Variants in TTN observed in about 807,000 individuals in gnomAD.
TTN encodes titin.
In TTN, 1,525 loss-of-function variants were observed where a neutral mutation model predicts 3,223.0. The observed-to-expected ratio is 0.47, with a 90% CI of 0.45 to 0.49. The LOEUF (loss-of-function observed/expected upper bound fraction) is 0.49. Among genes scored for constraint, TTN ranks in the 20% least tolerant of loss-of-function variants. The probability of loss-of-function intolerance (pLI) is 0.00; values close to 1 mark genes in which losing one functional copy is unlikely to be tolerated. For synonymous variants in TTN, 14,094 were observed against 15,161.0 expected (o/e 0.93, Z 5.17); for missense variants, 40,786 against 43,424.0 (o/e 0.94, Z 5.40).
rs1343770232 is a variant in TTN at position 178,724,379 on chromosome 2, T to C, written c.20996A>G (p.Tyr6999Cys). The C allele has an allele frequency of 6.2e-6, 10 of 1,613,576 alleles. No individual in the cohort carries two copies. The highest frequency in any genetic ancestry group is 1.7e-4 in the Middle Eastern group (1 of 6,052). ...TSSQKHKFSF[Y>C]NKISSLRILS... ...AATCCTTAAGGAAGAGATTTTGTTG[T>C]AGAAGCTAAATTTGTGTTTTTGGCT... Residue 6999 changes from tyrosine (Y) to cysteine (C), a missense_variant, in exon 72 of 363, where the codon TAC (tyrosine) becomes TGC (cysteine). Tyr to Cys is a radical substitution (Grantham distance 194). Coordinates refer to ENST00000589042, the MANE Select transcript of TTN (RefSeq NM_001267550.2).
intron 241 of TTN, among the ~76,000 whole-genome samples, chr2:178,625,028 A>C (rs1332780958): frequency 2.0e-5 from 3 of 151,976 alleles, no homozygotes; most frequent in Admixed American, 6.6e-5. Context: ...GGCTTTTGAA[A>C]ATCTAGGATG....
At chr2:178,769,356 C>T (rs973506871) in intron 37 of TTN, among the ~76,000 whole-genome samples, 2 of 151,950 alleles carry the variant, frequency 1.3e-5, no homozygotes, top group Non-Finnish European at 2.9e-5. Flanking sequence ...TGGGCCCAAG[C>T]GATCTTCCCA....
In TTN at chr2:178,558,504, T is replaced by G; in HGVS notation, c.86955A>C (p.Gly28985=). The G allele has an allele frequency of 6.2e-7, 1 of 1,613,818 alleles. No homozygotes were observed. The highest frequency in any genetic ancestry group is 8.5e-7 in the Non-Finnish European group (1 of 1,179,816). ...CTGCACATTTAACCCAGTTTTTCTGTCCTTTTTCTAGTGCTTCAACGACAT... is the reference window on the plus strand; with the variant it reads ...CTGCACATTTAACCCAGTTTTTCTGGCCTTTTTCTAGTGCTTCAACGACAT... ...VHYVVEALEK[G]QKNWVKCAVA... is the part of the protein sequence containing the mutation. The change falls in exon 327 of 363, where the codon GGA becomes GGC. Residue 28985 remains glycine (G), a synonymous_variant. Transcript: ENST00000589042.
chr2:178,776,014 G>A lies in TTN; in HGVS notation c.5850C>T (p.His1950=), dbSNP rs1057523471. 5.0e-6 allele frequency: 8 copies of A among 1,613,970 alleles called. No individual in the cohort carries two copies. The highest frequency in any genetic ancestry group is 4.5e-5 in the East Asian group (2 of 44,892). The change falls in exon 28 of 363, where the codon CAC becomes CAT. Residue 1950 remains histidine, a synonymous_variant. Transcript: ENST00000589042. ...ACTGAAGCTTTCCTGGTTCATGTAC[G>A]TGAAACTCAGGCCTTGGTTCAGGAG... ...RRAPEPRPEF[H]VHEPGKLQFE... is the part of the protein sequence containing the mutation.
chr2:178,545,655 T>G lies in TTN; in HGVS notation c.95455A>C (p.Thr31819Pro). The change falls in exon 344 of 363, where the codon ACT (threonine) becomes CCT (proline). Residue 31819 changes from threonine to proline, a missense_variant. Coordinates refer to ENST00000589042, the MANE Select transcript of TTN (RefSeq NM_001267550.2). ...SPPGIPEEVG[T>P]GKEHIIIQWT... ...TGAATGATGATATGCTCTTTGCCAG[T>G]CCCAACTTCTTCAGGTATGCCGGGT... is the stretch of plus-strand genomic sequence containing the variant. 1 of 1,613,740 alleles carries G rather than the reference T, an allele frequency of 6.2e-7. No homozygotes were observed. The highest frequency in any genetic ancestry group is 8.5e-7 in the Non-Finnish European group (1 of 1,179,680).
At position 178,732,918 on chromosome 2, in the gene TTN, C is replaced by T. The variant is rs765827073; in HGVS notation, c.16258G>A (p.Asp5420Asn). 1.2e-6 allele frequency: 2 copies of T among 1,613,536 alleles called. No individual in the cohort carries two copies. Among genetic ancestry groups the T allele is most frequent in the East Asian group, 2.2e-5 (1 of 44,756 alleles). ...GTGAAATTCCCTGCATCATTCATGT[C>T]TACTCTGATGATCTCCAAAGAGGCT... is the stretch of plus-strand genomic sequence containing the variant. ...GTASLEIIRV[D>N]MNDAGNFTCR... is the part of the protein sequence containing the mutation. The change falls in exon 55 of 363, where the codon GAC (aspartate) becomes AAC (asparagine). Residue 5420 changes from aspartate (D) to asparagine (N), a missense_variant. Transcript: ENST00000589042.
Position 178,777,733 on chromosome 2 carries a change from G to A in TTN, c.4451C>T (p.Pro1484Leu), listed in dbSNP as rs2092381354. The change falls in exon 25 of 363, where the codon CCT (proline) becomes CTT (leucine). Residue 1484 changes from proline to leucine, a missense_variant. Coordinates refer to ENST00000589042, the MANE Select transcript of TTN (RefSeq NM_001267550.2). ...ATGAAACCAGAACGTCTCTGGCATAGGTCTACCAACAACCTTTAAGTCAAA... is the reference window on the plus strand; with the variant it reads ...ATGAAACCAGAACGTCTCTGGCATAAGTCTACCAACAACCTTTAAGTCAAA... The part of the protein sequence containing the change: ...ARFDLKVVGR[P>L]MPETFWFHDG... The A allele has an allele frequency of 1.2e-6, 2 of 1,614,022 alleles. No homozygotes were observed. Among genetic ancestry groups the A allele is most frequent in the Non-Finnish European group, 1.7e-6 (2 of 1,179,954 alleles).
intron 13 of TTN, among the ~76,000 whole-genome samples, chr2:178,788,150 A>C (rs925117539): frequency 6.6e-6 from 1 of 152,054 alleles, no homozygotes; most frequent in African/African-American, 2.4e-5. Flanking sequence ...AATGGGATGA[A>C]ACAATACTTT....
intron 241 of TTN, among the ~76,000 whole-genome samples, chr2:178,625,061 G>A (rs778437728): frequency 4.0e-5 from 6 of 151,882 alleles, no homozygotes; most frequent in Non-Finnish European, 5.9e-5. Flanking sequence ...AATAGAGATG[G>A]AAGGAGGAAG....
At chr2:178,683,012 G>C in intron 134 of TTN, 109 bp from the exon 135 acceptor site, 1 of 1,122,928 alleles carries the variant, frequency 8.9e-7, no homozygotes. Context: ...TTCATGCACT[G>C]ATTATGGGAG....
chr2:178,786,146 A>C lies in TTN; in HGVS notation c.2077-5T>G. 1.2e-6 allele frequency: 2 copies of C among 1,613,522 alleles called. No individual in the cohort carries two copies. Among genetic ancestry groups the C allele is most frequent in the Non-Finnish European group, 1.7e-6 (2 of 1,179,886 alleles). ...AGCCTTTTTTCCAACGTCCACCTGG[A>C]GACAAGGTTTCCAGAATTAATACAT... On this transcript the variant is annotated splice_region_variant and splice_polypyrimidine_tract_variant and intron_variant, in intron 13 of 362. Coordinates refer to ENST00000589042, the MANE Select transcript of TTN (RefSeq NM_001267550.2).
Position 178,586,620 on chromosome 2 carries a change from A to G in TTN, c.64281T>C (p.Val21427=). 1.2e-6 allele frequency: 2 copies of G among 1,613,214 alleles called. No individual in the cohort carries two copies. The highest frequency in any genetic ancestry group is 1.1e-5 in the South Asian group (1 of 91,040). Reference sequence around the variant, plus strand: ...TCTTTCCTTCCTTTAGGCCAGTGACAACAAGGCTCAGATCTTTTACCACTG... The same window carrying G: ...TCTTTCCTTCCTTTAGGCCAGTGACGACAAGGCTCAGATCTTTTACCACTG... ...EYSVVKDLSL[V]VTGLKEGKKY... The change falls in exon 308 of 363, where the codon GTT becomes GTC. Residue 21427 remains valine, a synonymous_variant. Coordinates refer to ENST00000589042, the MANE Select transcript of TTN (RefSeq NM_001267550.2).
At chr2:178,557,224 G>C in intron 329 of TTN, 29 bp downstream of exon 329, 1 of 1,613,518 alleles carries the variant, frequency 6.2e-7, no homozygotes. Context: ...TTTGTTATCA[G>C]AACTGCCCTT....
intron 357 of TTN, 55 bp from the exon 358 acceptor site, chr2:178,535,904 T>G: frequency 6.6e-7 from 1 of 1,506,878 alleles, no homozygotes; most frequent in Non-Finnish European, 8.8e-7. Flanking sequence ...TAACAGTATG[T>G]GTTTAAGTGC....
At chr2:178,555,946 T>C (rs1701248883) in intron 330 of TTN, 1 of 152,282 alleles carries the variant, frequency 6.6e-6, no homozygotes, top group African/African-American at 2.4e-5. Context: ...GGACTAACCA[T>C]GATAGAGAGG....
In TTN at chr2:178,784,213, A is replaced by G. The variant is rs753808522; in HGVS notation, c.2632T>C (p.Leu878=). 5.0e-6 allele frequency: 8 copies of G among 1,614,172 alleles called. No homozygotes were observed. Among genetic ancestry groups the G allele is most frequent in the Non-Finnish European group, 6.8e-6 (8 of 1,180,008 alleles). The change falls in exon 16 of 363, where the codon TTG becomes CTG. Residue 878 remains leucine (L), a synonymous_variant. Coordinates refer to ENST00000589042, the MANE Select transcript of TTN (RefSeq NM_001267550.2). Reference sequence around the variant, plus strand: ...GTGTCAGCGAAGGGGAACTGTGGCAAGGGTGTGGGCTCTGCCCTTACTCTA... The same window carrying G: ...GTGTCAGCGAAGGGGAACTGTGGCAGGGGTGTGGGCTCTGCCCTTACTCTA... ...ETRVRAEPTP[L]PQFPFADTPD... is the part of the protein sequence containing the mutation.
Position 178,537,579 on chromosome 2 carries a change from C to T in TTN, c.99628G>A (p.Val33210Met). The T allele has an allele frequency of 6.2e-7, 1 of 1,613,752 alleles. No individual in the cohort carries two copies. Among genetic ancestry groups the T allele is most frequent in the Non-Finnish European group, 8.5e-7 (1 of 1,179,756 alleles). ...YPLKEKYYGA[V>M]GSTLRLHVMY... ...ACATGAAGCCGAAGTGTGGAACCCACAGCTCCATAATATTTCTCTTTCAGT... is the reference window on the plus strand; with the variant it reads ...ACATGAAGCCGAAGTGTGGAACCCATAGCTCCATAATATTTCTCTTTCAGT... The change falls in exon 355 of 363, where the codon GTG becomes ATG. Residue 33210 changes from valine (V) to methionine (M), a missense_variant. Coordinates refer to ENST00000589042, the MANE Select transcript of TTN (RefSeq NM_001267550.2).
intron 282 of TTN, 130 bp from the exon 283 acceptor site, chr2:178,602,720 T>C (rs2053772151): frequency 7.1e-6 from 5 of 702,048 alleles, no homozygotes; most frequent in Non-Finnish European, 1.0e-5. Context: ...TAAAAGGAAA[T>C]ACAGTTGCCT....
At position 178,615,691 on chromosome 2, in the gene TTN, G is replaced by C. The variant is rs982994931; in HGVS notation, c.48410C>G (p.Pro16137Arg). ...FKVCARNKCG[P>R]GEPAYVDEPV... is the part of the protein sequence containing the mutation. ...TTCATCAACATATGCAGGTTCTCCAGGGCCACATTTGTTACGAGCACAAAC... is the reference window on the plus strand; with the variant it reads ...TTCATCAACATATGCAGGTTCTCCACGGCCACATTTGTTACGAGCACAAAC... The change falls in exon 258 of 363, where the codon CCT (proline) becomes CGT (arginine). Residue 16137 changes from proline to arginine, a missense_variant. Transcript: ENST00000589042. 6.2e-7 allele frequency: 1 copy of C among 1,612,530 alleles called. No individual in the cohort carries two copies. Among genetic ancestry groups the C allele is most frequent in the Admixed American group, 1.7e-5 (1 of 59,946 alleles).
Sources: gnomAD v4.1 joint callset for allele counts (sites outside exome capture counted in the v4.1 genomes callset) on GRCh38, gnomAD v4.1.1 for gene constraint, MANE v1.5 for transcripts, NCBI Gene and HGNC (gene_info 2026-07-23, HGNC 2026-07-21) for gene names.